BANP: variants seen among roughly 807,000 people sequenced by gnomAD.
The protein encoded by BANP is BTG3 associated nuclear protein.
BANP carries 11 observed loss-of-function variants against 68.1 expected under a neutral mutation model. That is an observed-to-expected ratio of 0.16 (90% CI 0.10 to 0.27). The LOEUF (loss-of-function observed/expected upper bound fraction) is 0.27, where lower values mean the gene tolerates loss of function less well. Among genes scored for constraint, BANP ranks in the 10% least tolerant of loss-of-function variants. BANP has a pLI of 1.00. For synonymous variants in BANP, 329 were observed against 303.2 expected (o/e 1.09, Z -0.88); for missense variants, 504 against 722.7 (o/e 0.70, Z 3.47).
chr16:88,053,330 CCAT>C (rs199779004), intron 11 of BANP, among the ~76,000 whole-genome samples: 4,981 of 146,876 alleles, frequency 0.034, 5 homozygotes, highest in Non-Finnish European at 0.04. Context: ...ACTGTCATCT[CCAT>C]CATCATCACC....
chr16:88,048,426 C>T (rs1361861808), intron 11 of BANP, among the ~76,000 whole-genome samples: 2 of 151,914 alleles, frequency 1.3e-5, no homozygotes, highest in Admixed American at 1.3e-4. Flanking sequence ...TAACAGTGTT[C>T]TCGGTATTGA....
rs2069674825 is a variant in BANP, at chr16:88,002,424, G to A, written c.363-1871G>A. Among the ~76,000 whole-genome samples the A allele has an allele frequency of 1.3e-5, 2 of 152,160 alleles. No individual in the cohort carries two copies. Among genetic ancestry groups the A allele is most frequent in the South Asian group, 2.1e-4 (1 of 4,826 alleles). On this transcript the variant is annotated intron_variant, in intron 4 of 13. Transcript: ENST00000682872. This position sits in a 1 kb window ranked among gnomAD's most constrained non-coding sequence, Gnocchi z 4.6. ...TTCAGGTGGCCCTGCGCTGGCTCCT[G>A]GGGTCTGTGCCCTAGGTGGATGGTG...
intron 3 of BANP, among the ~76,000 whole-genome samples, chr16:87,983,574 G>A (rs572715332): frequency 7.2e-5 from 11 of 152,148 alleles, no homozygotes; most frequent in African/African-American, 2.4e-4. Context: ...AGAGCCCCAC[G>A]GGAGCCTCAG....
At chr16:87,962,992 A>T (rs1398644819) in intron 1 of BANP, among the ~76,000 whole-genome samples, 1 of 152,182 alleles carries the variant, frequency 6.6e-6, no homozygotes, top group Non-Finnish European at 1.5e-5. Context: ...ATTTGACTAA[A>T]TGGAATGATT....
chr16:88,023,893 G>A (rs2076479530), intron 7 of BANP, among the ~76,000 whole-genome samples: 1 of 152,344 alleles, frequency 6.6e-6, no homozygotes, highest in South Asian at 2.1e-4. Flanking sequence ...ATCCCGTCCC[G>A]GCCTTGAGGG....
chr16:87,970,959 G>A (rs2060995030), intron 1 of BANP, among the ~76,000 whole-genome samples: 2 of 151,462 alleles, frequency 1.3e-5, no homozygotes, highest in South Asian at 2.1e-4. Context: ...GGAGGTTTCA[G>A]TGAGCCGAGA....
chr16:87,999,192 G>A (rs78580342), intron 4 of BANP, among the ~76,000 whole-genome samples: 6 of 127,372 alleles, frequency 4.7e-5, no homozygotes, highest in East Asian at 4.9e-4. Flanking sequence ...CCGCACGTGC[G>A]CGGCTGTACT....
chr16:88,072,574 A>AG (rs2090620029), intron 13 of BANP, among the ~76,000 whole-genome samples: 1 of 152,204 alleles, frequency 6.6e-6, no homozygotes, highest in Non-Finnish European at 1.5e-5. Context: ...CACTCGTTGA[A>AG]GGTCTCAGCT....
intron 6 of BANP, among the ~76,000 whole-genome samples, chr16:88,013,390 C>T (rs2073715573): frequency 6.6e-6 from 1 of 152,150 alleles, no homozygotes; most frequent in Non-Finnish European, 1.5e-5. Flanking sequence ...TGCCCCATGC[C>T]TAGTTCCTAG....
intron 11 of BANP, among the ~76,000 whole-genome samples, chr16:88,045,977 C>A (rs773392712): frequency 2.6e-5 from 4 of 152,382 alleles, no homozygotes; most frequent in Non-Finnish European, 5.9e-5. Flanking sequence ...CTGGCACTCA[C>A]CAGCCTCCGG....
intron 2 of BANP, among the ~76,000 whole-genome samples, 175 bp downstream of exon 2, chr16:87,975,360 G>A (rs779996661): frequency 6.6e-6 from 1 of 152,178 alleles, no homozygotes; most frequent in African/African-American, 2.4e-5. Flanking sequence ...CCTCGCCCCT[G>A]CAGCCTCAGC....
chr16:88,051,271 C>T (rs1376486373), intron 11 of BANP, among the ~76,000 whole-genome samples: 1 of 152,232 alleles, frequency 6.6e-6, no homozygotes, highest in African/African-American at 2.4e-5. Context: ...GCAAAATGTC[C>T]ATGCCAGAAT....
At chr16:87,981,200 CA>C in intron 3 of BANP, 73 bp downstream of exon 3, 1 of 1,101,100 alleles carries the variant, frequency 9.1e-7, no homozygotes, top group South Asian at 1.3e-5. Context: ...AAATCACCAT[CA>C]ATGGGATGGC....
rs1233930887 is a variant in BANP, at chr16:88,003,673, CT to C, written c.363-618del. ...GCTGGTTTCTGGGCCATGGTCTGTT[CT>C]TTTGTAGAATCTTTTCCTTCAAAGC... is the stretch of plus-strand genomic sequence containing the variant. On this transcript the variant is annotated intron_variant, in intron 4 of 13. Transcript: ENST00000682872. This position sits in a 1 kb window ranked among gnomAD's most constrained non-coding sequence, Gnocchi z 6.1. 2.7e-6 allele frequency: 1 copy of C among 368,738 alleles called. No individual in the cohort carries two copies. The highest frequency in any genetic ancestry group is 5.3e-6 in the Non-Finnish European group (1 of 188,084). The allele number at this position is 368,738 out of a possible 1,614,324, so 22.8% of individuals were successfully genotyped here.
chr16:88,014,498 G>A (rs1174176872), intron 6 of BANP, among the ~76,000 whole-genome samples: 1 of 152,094 alleles, frequency 6.6e-6, no homozygotes, highest in Non-Finnish European at 1.5e-5. Context: ...ACTTTGACAT[G>A]ATTTTGACTC....
intron 2 of BANP, among the ~76,000 whole-genome samples, chr16:87,977,032 G>C (rs548954479): frequency 6.6e-6 from 1 of 152,290 alleles, no homozygotes; most frequent in East Asian, 1.9e-4. Flanking sequence ...TCCAAAGAAG[G>C]CTTAGAGAAA....
chr16:88,046,794 C>A (rs903874002), intron 11 of BANP, among the ~76,000 whole-genome samples: 1 of 152,030 alleles, frequency 6.6e-6, no homozygotes. Flanking sequence ...TGGCCGGGCA[C>A]GGTGCTTCAC....
chr16:88,027,694 G>T, intron 8 of BANP, 44 bp downstream of exon 8: 1 of 1,607,470 alleles, frequency 6.2e-7, no homozygotes, highest in Non-Finnish European at 8.5e-7. Context: ...CCCGCTCGGG[G>T]CAGCTGGCCT....
upstream of BANP, among the ~76,000 whole-genome samples, chr16:87,951,219 C>T (rs1296513595): frequency 6.6e-6 from 1 of 152,114 alleles, no homozygotes; most frequent in African/African-American, 2.4e-5. Flanking sequence ...AGGCCATGGG[C>T]GTGGGCGAAA....
Sources: allele counts gnomAD v4.1 joint callset (sites outside exome capture counted in the v4.1 genomes callset), GRCh38; gene constraint gnomAD v4.1.1; non-coding constraint Gnocchi (gnomAD v3.1); transcripts MANE v1.5; gene names NCBI Gene and HGNC (gene_info 2026-07-23, HGNC 2026-07-21).